Variants in CHRNB3 observed in about 807,000 individuals in gnomAD.
The protein encoded by CHRNB3 is neuronal acetylcholine receptor subunit beta-3.
A neutral mutation model predicts 40.6 loss-of-function variants in CHRNB3; 37 were observed. That is an observed-to-expected ratio of 0.91 (90% confidence interval 0.70 to 1.20). The LOEUF is 1.20. Ranked by LOEUF, CHRNB3 falls within the 50% of genes most tolerant of loss-of-function variation. CHRNB3 has a pLI of 0.00. For missense variants in CHRNB3, 505 were observed against 551.2 expected (o/e 0.92, Z 0.84); for synonymous variants, 207 against 207.1 (o/e 1.00, Z 0.00).
chr8:42,725,604 C>T (rs997047874), intron 3 of CHRNB3: 23 of 1,142,672 alleles, frequency 2.0e-5, no homozygotes, highest in Non-Finnish European at 2.8e-5. Context: ...GTATGCCCAT[C>T]TCCTTGAGGA....
intron 3 of CHRNB3, among the ~76,000 whole-genome samples, chr8:42,721,358 C>G (rs1161887101): frequency 6.6e-6 from 1 of 152,142 alleles, no homozygotes; most frequent in Non-Finnish European, 1.5e-5. Flanking sequence ...GCTTCCTGTC[C>G]TCTGTGTTGA....
intron 1 of CHRNB3, among the ~76,000 whole-genome samples, chr8:42,707,406 G>A (rs1563607675): frequency 6.6e-6 from 1 of 152,210 alleles, no homozygotes; most frequent in East Asian, 1.9e-4. Context: ...TCAGGACATG[G>A]TGCAGAATGA....
intron 3 of CHRNB3, among the ~76,000 whole-genome samples, chr8:42,718,672 C>CAAA (rs59911208): frequency 2.4e-5 from 2 of 82,718 alleles, no homozygotes; most frequent in African/African-American, 1.0e-4. Context: ...GACTCTGTCT[C>CAAA]AAAAAAAAAA....
At chr8:42,708,989 G>A (rs1815966580) in intron 2 of CHRNB3, 121 bp downstream of exon 2, 1 of 1,115,542 alleles carries the variant, frequency 9.0e-7, no homozygotes, top group Middle Eastern at 2.6e-4. Flanking sequence ...TACTGTGAGA[G>A]AAAATCTGCC....
chr8:42,706,770 A>AT (rs569259867), intron 1 of CHRNB3, among the ~76,000 whole-genome samples: 36 of 151,810 alleles, frequency 2.4e-4, no homozygotes, highest in Admixed American at 2.2e-3. Context: ...ATTAAAAAAA[A>AT]TTTTTTTTGA....
intron 1 of CHRNB3, chr8:42,705,781 CT>C (rs1292331198): frequency 1.5e-4 from 23 of 152,290 alleles, no homozygotes; most frequent in African/African-American, 5.5e-4. Context: ...GTCCTCACTG[CT>C]TCCCTCTTCT....
In CHRNB3 at chr8:42,717,403, A is replaced by AAAAAAAAAAAAAAAG. The variant is rs71221230; in HGVS notation, c.249+6971_249+6972insAAAAAAAAAAAAGAA. Among the ~76,000 whole-genome samples, 199 of 50,904 alleles carry AAAAAAAAAAAAAAAG rather than the reference A, an allele frequency of 3.9e-3. 84 individuals are homozygous for AAAAAAAAAAAAAAAG. Among genetic ancestry groups the AAAAAAAAAAAAAAAG allele is most frequent in the South Asian group, 6.4e-3 (7 of 1,090 alleles). The allele number at this position is 50,904 out of a possible 152,430, so 33.4% of individuals were successfully genotyped here. ...AAAAAAAAAAAAAAAAAAAAAAAAA[A>AAAAAAAAAAAAAAAG]AAGCCGACCTGTTGTGGAAAGGTCA... is the stretch of plus-strand genomic sequence containing the variant. On this transcript the variant is annotated intron_variant, in intron 3 of 5. Coordinates refer to ENST00000289957, the MANE Select transcript of CHRNB3 (RefSeq NM_000749.5).
rs139550995 is a variant in CHRNB3 at position 42,717,105 on chromosome 8, G to A, written c.249+6671G>A. 6.3e-3 allele frequency among the ~76,000 whole-genome samples: 855 copies of A among 135,248 alleles called. 80 individuals carry two copies. Among genetic ancestry groups the A allele is most frequent in the African/African-American group, 0.024 (818 of 33,920 alleles). 88.7% of individuals were successfully genotyped at this position (135,248 alleles called of 152,430 possible). A position where few individuals can be genotyped will look rare whatever the true frequency, so the allele number is the denominator to read the frequency against. ...AAGAAGCAGACTGGCCGGGCGCGGT[G>A]GCTCACGCCTGTAATCCCAGCACTT... On this transcript the variant is annotated intron_variant, in intron 3 of 5. Coordinates refer to ENST00000289957, the MANE Select transcript of CHRNB3 (RefSeq NM_000749.5).
At chr8:42,725,250 C>T (rs1458753781) in intron 3 of CHRNB3, among the ~76,000 whole-genome samples, 5 of 151,504 alleles carry the variant, frequency 3.3e-5, no homozygotes, top group African/African-American at 7.3e-5. Context: ...CCACCATGCC[C>T]GGCTAATTTT....
chr8:42,720,171 G>T (rs1816195048), intron 3 of CHRNB3, among the ~76,000 whole-genome samples: 1 of 130,158 alleles, frequency 7.7e-6, no homozygotes, highest in Non-Finnish European at 1.5e-5. Context: ...TCTGTCACCA[G>T]GCTGGAGTGC....
chr8:42,724,388 A>T (rs1816269833), intron 3 of CHRNB3, among the ~76,000 whole-genome samples: 1 of 152,106 alleles, frequency 6.6e-6, no homozygotes, highest in South Asian at 2.1e-4. Flanking sequence ...ACATAATACT[A>T]CTCAGTAATT....
intron 2 of CHRNB3, 131 bp downstream of exon 2, chr8:42,708,999 C>T: frequency 1.0e-6 from 1 of 977,358 alleles, no homozygotes. Context: ...GAAAATCTGC[C>T]CCCAAGAAGC....
chr8:42,698,133 T>C (rs1815709449), intron 1 of CHRNB3, among the ~76,000 whole-genome samples: 1 of 152,090 alleles, frequency 6.6e-6, no homozygotes, highest in Non-Finnish European at 1.5e-5. Context: ...TATGTGACTA[T>C]TATCAACTGA....
Position 42,731,988 on chromosome 8 carries a change from C to A in CHRNB3, c.681C>A (p.Phe227Leu). 6.2e-7 allele frequency: 1 copy of A among 1,614,004 alleles called. No homozygotes were observed. The highest frequency in any genetic ancestry group is 8.5e-7 in the Non-Finnish European group (1 of 1,179,966). The change falls in exon 5 of 6, where the codon TTC becomes TTA. Residue 227 changes from phenylalanine (F) to leucine (L), a missense_variant. Phe to Leu is a conservative substitution (Grantham distance 22). Transcript: ENST00000289957. ...VYSYPFITYS[F>L]VLRRLPLFYT... ...CCTATCCCTTTATCACGTATTCCTT[C>A]GTCCTGAGACGCCTGCCTTTATTCT...
chr8:42,703,435 A>AAAAAAAAATATATATACATATATATAT, intron 1 of CHRNB3, among the ~76,000 whole-genome samples: 1 of 47,400 alleles, frequency 2.1e-5, no homozygotes, highest in Non-Finnish European at 4.6e-5. Flanking sequence ...AAAAAAAAAA[A>AAAAAAAAATATATATACATATATATAT]ATATTTATAT....
At chr8:42,700,629 C>G (rs1397991766) in intron 1 of CHRNB3, among the ~76,000 whole-genome samples, 1 of 152,086 alleles carries the variant, frequency 6.6e-6, no homozygotes, top group Non-Finnish European at 1.5e-5. Flanking sequence ...CCAATTATTT[C>G]TTTTCTGTCC....
chr8:42,716,467 G>A (rs989194508), intron 3 of CHRNB3, among the ~76,000 whole-genome samples: 9 of 152,260 alleles, frequency 5.9e-5, no homozygotes, highest in African/African-American at 2.2e-4. Flanking sequence ...ACCGAGGAAA[G>A]AACTCAAGGA....
rs1329730231 is a variant in CHRNB3, at chr8:42,732,528, G to A, written c.1221G>A (p.Lys407=). The change falls in exon 5 of 6, where the codon AAG becomes AAA. Residue 407 remains lysine, a synonymous_variant. Transcript: ENST00000289957. ...DSIRYISRHV[K]KEHFISQVVQ... ...TTAGATACATTTCGAGACATGTGAA[G>A]AAAGAACATTTTATCAGCCAGGTGA... The A allele has an allele frequency of 1.3e-6, 2 of 1,597,714 alleles. No individual in the cohort carries two copies. Among genetic ancestry groups the A allele is most frequent in the African/African-American group, 1.4e-5 (1 of 73,944 alleles).
intron 3 of CHRNB3, among the ~76,000 whole-genome samples, chr8:42,713,289 G>A (rs768597911): frequency 1.3e-5 from 2 of 152,026 alleles, no homozygotes; most frequent in African/African-American, 2.4e-5. Flanking sequence ...CAAAAGAGTG[G>A]GCGCCGAGGA....
Sources: gnomAD v4.1 joint callset for allele counts (sites outside exome capture counted in the v4.1 genomes callset) on GRCh38, gnomAD v4.1.1 for gene constraint, MANE v1.5 for transcripts, NCBI Gene and HGNC (gene_info 2026-07-23, HGNC 2026-07-21) for gene names.